The following IMMP2L variants were observed in gnomAD, a reference collection of about 807,000 sequenced individuals.
IMMP2L encodes inner mitochondrial membrane peptidase subunit 2.
Under a neutral mutation model 19.3 loss-of-function variants are expected in IMMP2L, and 18 were observed. That is an observed-to-expected ratio of 0.93 (90% CI 0.64 to 1.38). The LOEUF (loss-of-function observed/expected upper bound fraction) is 1.38. Among genes scored for constraint, IMMP2L ranks in the 40% most tolerant of loss-of-function variants. IMMP2L has a pLI of 0.00. For missense variants in IMMP2L, 233 were observed against 218.2 expected, an observed-to-expected ratio of 1.07 and a Z score of -0.43; for synonymous variants, 76 against 73.0, an observed-to-expected ratio of 1.04 and a Z score of -0.21.
chr7:110,976,561 A>G (rs1820721091), intron 3 of IMMP2L, among the ~76,000 whole-genome samples: 1 of 152,060 alleles, frequency 6.6e-6, no homozygotes. Context: ...TTTATAACTC[A>G]TTTCTTTTCA....
At chr7:110,943,016 A>G (rs1388873535) in intron 4 of IMMP2L, among the ~76,000 whole-genome samples, 1 of 152,024 alleles carries the variant, frequency 6.6e-6, no homozygotes, top group Admixed American at 6.6e-5. Flanking sequence ...TAAAGGACAG[A>G]TGGATGTGAT....
chr7:111,033,182 G>A (rs1433137567), intron 3 of IMMP2L, among the ~76,000 whole-genome samples: 1 of 152,118 alleles, frequency 6.6e-6, no homozygotes, highest in Non-Finnish European at 1.5e-5. Context: ...CAAAAGATAT[G>A]GATGCCCTAT....
intron 3 of IMMP2L, among the ~76,000 whole-genome samples, chr7:111,426,166 A>G (rs1224134443): frequency 6.6e-6 from 1 of 151,036 alleles, no homozygotes; most frequent in African/African-American, 2.4e-5. Context: ...TTACAGCTAA[A>G]AAAGGTAAAT....
At chr7:110,996,695 T>A (rs528337217) in intron 3 of IMMP2L, among the ~76,000 whole-genome samples, 1 of 152,140 alleles carries the variant, frequency 6.6e-6, no homozygotes, top group East Asian at 1.9e-4. Context: ...TTTTTTCAAC[T>A]TTTTTATTTT....
At chr7:111,109,242 C>T (rs374733881) in intron 3 of IMMP2L, among the ~76,000 whole-genome samples, 1 of 151,768 alleles carries the variant, frequency 6.6e-6, no homozygotes, top group South Asian at 2.1e-4. Context: ...AAACCATTAA[C>T]TTTCCTTCCA....
Position 110,663,063 on chromosome 7 carries a change from G to T in IMMP2L, c.*539C>A, listed in dbSNP as rs993861768. ...CAAAACAGGACCTTAGCAAATCATT[G>T]TTTTATTTTAACATCACTGTTTACT... On this transcript the variant is annotated 3_prime_UTR_variant, in exon 6 of 6. Coordinates refer to ENST00000405709, the MANE Select transcript of IMMP2L (RefSeq NM_032549.4). 2.0e-5 allele frequency: 3 copies of T among 153,382 alleles called. No homozygotes were observed. Among genetic ancestry groups the T allele is most frequent in the African/African-American group, 7.2e-5 (3 of 41,440 alleles). The allele number at this position is 153,382 out of a possible 1,614,324, so 9.5% of individuals were successfully genotyped here. A position where few individuals can be genotyped will look rare whatever the true frequency, so the allele number is the denominator to read the frequency against.
At chr7:111,106,204 C>G (rs1004326425) in intron 3 of IMMP2L, among the ~76,000 whole-genome samples, 1 of 151,884 alleles carries the variant, frequency 6.6e-6, no homozygotes, top group African/African-American at 2.4e-5. Flanking sequence ...CTACTTACTT[C>G]TCAATTGGGA....
At chr7:110,956,054 A>C (rs962912078) in intron 4 of IMMP2L, among the ~76,000 whole-genome samples, 1 of 152,070 alleles carries the variant, frequency 6.6e-6, no homozygotes, top group Non-Finnish European at 1.5e-5. Flanking sequence ...TCAACCAGCT[A>C]TGATAGGCTA....
intron 3 of IMMP2L, among the ~76,000 whole-genome samples, chr7:111,412,273 G>C (rs566517301): frequency 6.6e-6 from 1 of 151,656 alleles, no homozygotes; most frequent in Admixed American, 6.6e-5. Context: ...GAAACAGTAA[G>C]GATATAAAAT....
At chr7:111,336,043 T>C (rs996386016) in intron 3 of IMMP2L, among the ~76,000 whole-genome samples, 1 of 151,984 alleles carries the variant, frequency 6.6e-6, no homozygotes, top group South Asian at 2.1e-4. Flanking sequence ...ATACTTAATT[T>C]CATCTTAAGT....
intron 3 of IMMP2L, among the ~76,000 whole-genome samples, chr7:111,108,524 G>A (rs188050296): frequency 1.1e-4 from 16 of 151,830 alleles, no homozygotes; most frequent in Admixed American, 2.6e-4. Context: ...AAAGATATAC[G>A]AACAAAACAT....
chr7:110,777,257 G>T (rs1460367827), intron 5 of IMMP2L, among the ~76,000 whole-genome samples: 1 of 151,902 alleles, frequency 6.6e-6, no homozygotes, highest in Non-Finnish European at 1.5e-5. Flanking sequence ...ACTTGGTTGG[G>T]CCACATCTGG....
chr7:110,775,874 G>T (rs934322736), intron 5 of IMMP2L, among the ~76,000 whole-genome samples: 1 of 151,326 alleles, frequency 6.6e-6, no homozygotes, highest in Non-Finnish European at 1.5e-5. Context: ...CCATGCCCAC[G>T]CATTACCCTG....
chr7:111,135,927 C>T (rs1018325646), intron 3 of IMMP2L, among the ~76,000 whole-genome samples: 4 of 152,130 alleles, frequency 2.6e-5, no homozygotes, highest in Admixed American at 1.3e-4. Flanking sequence ...CTTCAGTGCC[C>T]ATCCTGTTAT....
At chr7:110,847,213 A>C (rs983166957) in intron 5 of IMMP2L, among the ~76,000 whole-genome samples, 1 of 152,318 alleles carries the variant, frequency 6.6e-6, no homozygotes, top group South Asian at 2.1e-4. Flanking sequence ...GGACTATTTC[A>C]ATAAGTTTTA....
intron 5 of IMMP2L, among the ~76,000 whole-genome samples, chr7:110,868,891 A>C (rs1381785983): frequency 6.6e-6 from 1 of 151,912 alleles, no homozygotes; most frequent in Non-Finnish European, 1.5e-5. Flanking sequence ...GCAAAAAGAA[A>C]CCTCTGAAAA....
intron 3 of IMMP2L, among the ~76,000 whole-genome samples, chr7:111,179,498 T>C (rs1467695391): frequency 1.3e-5 from 2 of 152,010 alleles, no homozygotes; most frequent in Non-Finnish European, 2.9e-5. Flanking sequence ...ACTTCTGCTA[T>C]GAAGAGAAGT....
chr7:111,558,829 T>C (rs894074422), intron 1 of IMMP2L, among the ~76,000 whole-genome samples: 2 of 152,202 alleles, frequency 1.3e-5, no homozygotes, highest in Non-Finnish European at 2.9e-5. Flanking sequence ...ATGCTATTTA[T>C]TCCTATAAGT....
At chr7:110,762,071 T>A (rs929728127) in intron 5 of IMMP2L, among the ~76,000 whole-genome samples, 3 of 152,136 alleles carry the variant, frequency 2.0e-5, no homozygotes, top group African/African-American at 7.2e-5. Context: ...TTCCAAAGAA[T>A]CACGGAACTT....
Sources: allele counts gnomAD v4.1 joint callset (sites outside exome capture counted in the v4.1 genomes callset), GRCh38; gene constraint gnomAD v4.1.1; transcripts MANE v1.5; gene names NCBI Gene and HGNC (gene_info 2026-07-23, HGNC 2026-07-21).